MYO1E: variants seen among roughly 807,000 people sequenced by gnomAD.
MYO1E encodes the protein myosin IE, also known as unconventional myosin-Ie.
In MYO1E, 68 loss-of-function variants were observed where a neutral mutation model predicts 151.1. The observed-to-expected ratio is 0.45, with a 90% CI of 0.37 to 0.55. The LOEUF is 0.55. Among genes scored for constraint, MYO1E ranks in the 20% least tolerant of loss-of-function variants. The pLI, the probability that MYO1E is intolerant of heterozygous loss-of-function variation, is 0.00. For missense variants in MYO1E, 1,363 were observed against 1,389.3 expected, an observed-to-expected ratio of 0.98 and a Z score of 0.30; for synonymous variants, 601 against 501.7, an observed-to-expected ratio of 1.20 and a Z score of -2.64.
intron 1 of MYO1E, among the ~76,000 whole-genome samples, chr15:59,371,435 A>ATTTT (rs66673127): frequency 1.7e-4 from 25 of 148,340 alleles, no homozygotes; most frequent in African/African-American, 4.0e-4. Context: ...CTTGTAATAG[A>ATTTT]TTTTTTTTTT....
intron 19 of MYO1E, among the ~76,000 whole-genome samples, chr15:59,177,252 G>A (rs1168334070): frequency 6.7e-6 from 1 of 149,196 alleles, no homozygotes; most frequent in Non-Finnish European, 1.5e-5. Flanking sequence ...CCACAAACGT[G>A]TCATAAATGG....
At chr15:59,301,426 G>C (rs1202080058) in intron 1 of MYO1E, among the ~76,000 whole-genome samples, 3 of 152,114 alleles carry the variant, frequency 2.0e-5, no homozygotes, top group East Asian at 3.9e-4. Flanking sequence ...CTGGGAGCAG[G>C]AACATCTCTG....
rs2080428942 is a variant in MYO1E, at chr15:59,293,019, TC to T, written c.4-20571del. Among the ~76,000 whole-genome samples, 7 of 152,280 alleles carry T rather than the reference TC, an allele frequency of 4.6e-5. No individual in the cohort carries two copies. In the South Asian group the frequency reaches 1.5e-3, roughly 32 times the overall value. On this transcript the variant is annotated intron_variant, in intron 1 of 27. Coordinates refer to ENST00000288235, the MANE Select transcript of MYO1E (RefSeq NM_004998.4). ...TGTGCTGGGCTGGGGAAGCCACTTTTCTGGAGTTGCACAGGGAGGCATGGGG... is the reference window on the plus strand; with the variant it reads ...TGTGCTGGGCTGGGGAAGCCACTTTTTGGAGTTGCACAGGGAGGCATGGGG...
intron 3 of MYO1E, among the ~76,000 whole-genome samples, chr15:59,258,150 C>G (rs1272705026): frequency 1.3e-5 from 2 of 152,090 alleles, no homozygotes; most frequent in Non-Finnish European, 2.9e-5. Flanking sequence ...AGTCCGAGAC[C>G]AGTCTGGCCA....
intron 18 of MYO1E, among the ~76,000 whole-genome samples, chr15:59,185,518 C>T (rs1011805119): frequency 3.3e-5 from 5 of 152,150 alleles, no homozygotes; most frequent in African/African-American, 9.7e-5. Context: ...ATGCCCACCT[C>T]GGCCTCCCAA....
At chr15:59,314,181 G>A (rs1472454132) in intron 1 of MYO1E, among the ~76,000 whole-genome samples, 5 of 152,112 alleles carry the variant, frequency 3.3e-5, no homozygotes, top group African/African-American at 4.8e-5. Context: ...TCTCTACCTC[G>A]CTATGTGCAC....
At chr15:59,298,759 G>C (rs2140402202) in intron 1 of MYO1E, among the ~76,000 whole-genome samples, 1 of 152,324 alleles carries the variant, frequency 6.6e-6, no homozygotes, top group East Asian at 1.9e-4. Flanking sequence ...GAAAAGGATG[G>C]AGTCCAATCA....
At chr15:59,349,193 T>G (rs888020787) in intron 1 of MYO1E, among the ~76,000 whole-genome samples, 1 of 152,194 alleles carries the variant, frequency 6.6e-6, no homozygotes, top group East Asian at 1.9e-4. Context: ...TAGTAATTAT[T>G]AATTAGTAAT....
chr15:59,298,888 G>A (rs1198595735), intron 1 of MYO1E, among the ~76,000 whole-genome samples: 3 of 152,102 alleles, frequency 2.0e-5, no homozygotes, highest in Non-Finnish European at 2.9e-5. Flanking sequence ...CTGCCACCTG[G>A]GATAACCATT....
chr15:59,218,290 G>A (rs1408781333), intron 9 of MYO1E: 4 of 694,270 alleles, frequency 5.8e-6, no homozygotes, highest in South Asian at 3.0e-5. Flanking sequence ...TTTCCCAATT[G>A]TTTTATGACA....
At chr15:59,144,615 T>G (rs1187547780) in intron 26 of MYO1E, among the ~76,000 whole-genome samples, 1 of 151,884 alleles carries the variant, frequency 6.6e-6, no homozygotes, top group Non-Finnish European at 1.5e-5. Context: ...TTTCTGATTC[T>G]AGGAAAGTTT....
rs149359240 is a variant in MYO1E, at chr15:59,158,353, T to C, written c.2812A>G (p.Asn938Asp). 5.1e-6 allele frequency: 8 copies of C among 1,570,314 alleles called. No individual in the cohort carries two copies. In the African/African-American group the frequency reaches 9.5e-5, roughly 19 times the overall value. The change falls in exon 25 of 28, where the codon AAT becomes GAT. Residue 938 changes from asparagine (N) to aspartate (D), a missense_variant. By Grantham distance (23) the Asn-to-Asp change is conservative (BLOSUM62 1). Transcript: ENST00000288235. ...TGAGTCCCACTGGAATAACCTGTATTTTGGGTAGTGTTCCTTCTGGTAGGA... is the reference window on the plus strand; with the variant it reads ...TGAGTCCCACTGGAATAACCTGTATCTTGGGTAGTGTTCCTTCTGGTAGGA... Reference protein sequence around the residue: ...SRPTRRNTTQNTGYSSGTQNA... With the variant: ...SRPTRRNTTQDTGYSSGTQNA...
At chr15:59,209,228 T>A (rs2079861085) in intron 13 of MYO1E, among the ~76,000 whole-genome samples, 2 of 152,258 alleles carry the variant, frequency 1.3e-5, no homozygotes, top group African/African-American at 4.8e-5. Context: ...CATATAGGCA[T>A]CATTTCGGTA....
chr15:59,360,263 G>A (rs941005003), intron 1 of MYO1E, among the ~76,000 whole-genome samples: 18 of 152,244 alleles, frequency 1.2e-4, no homozygotes, highest in African/African-American at 4.3e-4. Flanking sequence ...CGAGCCCACA[G>A]ATAGCAAAAT....
intron 16 of MYO1E, 93 bp from the exon 17 acceptor site, chr15:59,195,660 A>G (rs946394594): frequency 1.8e-5 from 20 of 1,138,456 alleles, no homozygotes; most frequent in African/African-American, 3.1e-5. Context: ...GTAGAAATAC[A>G]TAGCTAGGAA....
intron 1 of MYO1E, among the ~76,000 whole-genome samples, chr15:59,370,124 T>C (rs1353341243): frequency 1.3e-5 from 2 of 152,238 alleles, no homozygotes; most frequent in African/African-American, 4.8e-5. Flanking sequence ...AAGGGCCTTC[T>C]GATGAATTTT....
intron 17 of MYO1E, 43 bp from the exon 18 acceptor site, chr15:59,188,259 C>T (rs1470015714): frequency 6.6e-7 from 1 of 1,510,372 alleles, no homozygotes; most frequent in Non-Finnish European, 9.2e-7. Flanking sequence ...ACTGGATAAT[C>T]CTTTCACTCG....
chr15:59,236,342 T>A (rs185638581), intron 5 of MYO1E, among the ~76,000 whole-genome samples: 1,597 of 60,830 alleles, frequency 0.026, 18 homozygotes, highest in Non-Finnish European at 0.038. Context: ...CAAGACTCTG[T>A]CTCAAAAAAG....
rs542400357 is a variant in MYO1E, at chr15:59,260,343, G to A, written c.237+1077C>T. Among the ~76,000 whole-genome samples, 12 of 152,240 alleles carry A rather than the reference G, an allele frequency of 7.9e-5. No individual in the cohort carries two copies. In the South Asian group the frequency reaches 1.4e-3, roughly 18 times the overall value. On this transcript the variant is annotated intron_variant, in intron 3 of 27. Transcript: ENST00000288235. ...GGCAGCATTATCAAAGGTCTTTCGC[G>A]TGGCAGCCTCCTTCGGCTCCAGCTA...
Sources: allele counts gnomAD v4.1 joint callset (sites outside exome capture counted in the v4.1 genomes callset), GRCh38; gene constraint gnomAD v4.1.1; transcripts MANE v1.5; gene names NCBI Gene and HGNC (gene_info 2026-07-23, HGNC 2026-07-21).